MAGEC3: variants seen among roughly 807,000 people sequenced by gnomAD.
The protein encoded by MAGEC3 is melanoma-associated antigen C3.
Under a neutral mutation model 35.3 loss-of-function variants are expected in MAGEC3, and 34 were observed. The ratio of observed to expected loss-of-function variants is 0.96; its 90% CI spans 0.73 to 1.28. The LOEUF (loss-of-function observed/expected upper bound fraction) is 1.28, where lower values mean the gene tolerates loss of function less well. Ranked by LOEUF, MAGEC3 falls within the 50% of genes most tolerant of loss-of-function variation. MAGEC3 has a pLI of 0.00. For missense variants in MAGEC3, 561 were observed against 483.6 expected (o/e 1.16, Z -1.50); for synonymous variants, 202 against 185.6 (o/e 1.09, Z -0.72).
intron 1 of MAGEC3, among the ~76,000 whole-genome samples, chrX:141,860,907 A>T (rs1200870228): frequency 2.7e-5 from 3 of 111,762 alleles, no homozygotes; most frequent in African/African-American, 6.5e-5. Context: ...GAATGTACTT[A>T]GTGCCATGGA....
chrX:141,845,995 A>C (rs2017714045), intron 1 of MAGEC3, among the ~76,000 whole-genome samples: 1 of 110,924 alleles, frequency 9.0e-6, no homozygotes. Context: ...ACAGGGTCTA[A>C]CATCATATAT....
At chrX:141,893,759 A>C (rs1255778458) in intron 4 of MAGEC3, among the ~76,000 whole-genome samples, 2 of 106,304 alleles carry the variant, frequency 1.9e-5, no homozygotes, top group Admixed American at 1.0e-4. Context: ...ACTTTGATGA[A>C]GTTTTCTCTC....
intron 4 of MAGEC3, among the ~76,000 whole-genome samples, chrX:141,888,556 GCTCACCAATGGGTGAC>G (rs1169170054): frequency 8.9e-6 from 1 of 112,264 alleles, no homozygotes; most frequent in African/African-American, 3.2e-5. Flanking sequence ...CCATGTGAGT[GCTCACCAATGGGTGAC>G]CTCAGCAGAG....
intron 1 of MAGEC3, among the ~76,000 whole-genome samples, chrX:141,841,666 A>G (rs2017686502): frequency 8.9e-6 from 1 of 111,870 alleles, no homozygotes; most frequent in Non-Finnish European, 1.9e-5. Flanking sequence ...CATTCAAGTA[A>G]TATCTGTTTA....
intron 2 of MAGEC3, among the ~76,000 whole-genome samples, chrX:141,876,587 G>A (rs1303656921): frequency 4.5e-5 from 5 of 112,026 alleles, no homozygotes; most frequent in South Asian, 7.5e-4. Flanking sequence ...CTCATACTGC[G>A]AACTTGCTTA....
intron 4 of MAGEC3, among the ~76,000 whole-genome samples, chrX:141,885,990 A>G (rs985071313): frequency 1.8e-5 from 2 of 111,440 alleles, no homozygotes; most frequent in Non-Finnish European, 3.8e-5. Context: ...TAACAGTGGG[A>G]ATTGTAGTCA....
At chrX:141,878,807 T>A (rs1335815124) in intron 2 of MAGEC3, among the ~76,000 whole-genome samples, 3 of 111,529 alleles carry the variant, frequency 2.7e-5, no homozygotes, top group Non-Finnish European at 5.7e-5. Context: ...GGGCGTCTCA[T>A]GGAAATGGGG....
chrX:141,880,913 C>A, intron 3 of MAGEC3: 1 of 800,593 alleles, frequency 1.2e-6, no homozygotes, highest in Non-Finnish European at 1.9e-6. Flanking sequence ...CTCCCTCAGG[C>A]CTGTTGGATG....
chrX:141,863,443 A>T (rs1447067707), intron 1 of MAGEC3, among the ~76,000 whole-genome samples: 3 of 111,726 alleles, frequency 2.7e-5, no homozygotes, highest in Non-Finnish European at 3.8e-5. Context: ...TGTAAAACAA[A>T]GAATGAACCC....
At position 141,881,688 on chromosome X, in the gene MAGEC3, G is replaced by A; in HGVS notation, c.801G>A (p.Glu267=). 2 of 1,211,553 alleles carry A rather than the reference G, an allele frequency of 1.7e-6. No homozygotes were observed. Among genetic ancestry groups the A allele is most frequent in the Non-Finnish European group, 2.2e-6 (2 of 895,440 alleles). ...CCTGTGAGGGGAGTCTGAGTGATGAGCAGGGCATGCCCCAGAACCGCCTCC... is the reference window on the plus strand; with the variant it reads ...CCTGTGAGGGGAGTCTGAGTGATGAACAGGGCATGCCCCAGAACCGCCTCC... ...DLTCEGSLSD[E]QGMPQNRLLI... is the part of the protein sequence containing the mutation. Residue 267 remains glutamate (E), a synonymous_variant, in exon 4 of 8, where the codon GAG becomes GAA. Transcript: ENST00000298296.
intron 1 of MAGEC3, among the ~76,000 whole-genome samples, chrX:141,846,576 A>G (rs1603052491): frequency 9.0e-6 from 1 of 111,016 alleles, no homozygotes; most frequent in South Asian, 3.7e-4. Flanking sequence ...ACTCATTTTA[A>G]TTATTTATTG....
chrX:141,896,983 C>A lies in MAGEC3; in HGVS notation c.1225C>A (p.Gln409Lys). The A allele has an allele frequency of 6.6e-6, 8 of 1,204,796 alleles. No individual in the cohort carries two copies. The highest frequency in any genetic ancestry group is 9.0e-6 in the Non-Finnish European group (8 of 891,772). Residue 409 changes from glutamine (Q) to lysine (K), a missense_variant, in exon 7 of 8, where the codon CAG (glutamine) becomes AAG (lysine). Physicochemically the swap from Gln to Lys is moderately conservative, Grantham distance 53. Transcript: ENST00000298296. ...PPKISPQGPP[Q>K]SPPQSPLDSC... Reference sequence around the variant, plus strand: ...CAAGATCTCTCCCCAGGGTCCTCCGCAGAGTCCTCCCCAGAGTCCTCTAGA... The same window carrying A: ...CAAGATCTCTCCCCAGGGTCCTCCGAAGAGTCCTCCCCAGAGTCCTCTAGA...
Position 141,868,835 on chromosome X carries a change from AT to A in MAGEC3, c.258+3238del, listed in dbSNP as rs1240349127. On this transcript the variant is annotated intron_variant, in intron 2 of 7. Coordinates refer to ENST00000298296, the MANE Select transcript of MAGEC3 (RefSeq NM_138702.1). ...TTTTATTGGCTATATAAGTTCTTTG[AT>A]TTTTTTTAAAATTTTTATTTTATTT... is the stretch of plus-strand genomic sequence containing the variant. Among the ~76,000 whole-genome samples the A allele has an allele frequency of 3.4e-3, 366 of 107,728 alleles. 1 individual carries two copies. Among genetic ancestry groups the A allele is most frequent in the African/African-American group, 0.012 (350 of 29,674 alleles). The allele number at this position is 107,728 out of a possible 115,157, so 93.5% of individuals were successfully genotyped here.
At position 141,879,202 on chromosome X, in the gene MAGEC3, G is replaced by A; in HGVS notation, c.286G>A (p.Gly96Ser). The A allele has an allele frequency of 1.7e-6, 2 of 1,198,967 alleles. No homozygotes were observed. The highest frequency in any genetic ancestry group is 2.3e-6 in the Non-Finnish European group (2 of 888,858). ...KLWRTLSGSP[G>S]LQLSDLHFGS... is the part of the protein sequence containing the mutation. ...CTGGAGGACCCTATCAGGGTCCCCA[G>A]GTTTACAACTTTCTGACTTGCATTT... Residue 96 changes from glycine to serine, a missense_variant, in exon 3 of 8, where the codon GGT becomes AGT. Coordinates refer to ENST00000298296, the MANE Select transcript of MAGEC3 (RefSeq NM_138702.1).
rs1024932012 is a variant in MAGEC3 at position 141,842,854 on chromosome X, A to G, written c.123+4416A>G. 2.7e-5 allele frequency among the ~76,000 whole-genome samples: 3 copies of G among 111,162 alleles called. No homozygotes were observed. In the East Asian group the frequency reaches 8.6e-4, roughly 32 times the overall value. On this transcript the variant is annotated intron_variant, in intron 1 of 7. Coordinates refer to ENST00000298296, the MANE Select transcript of MAGEC3 (RefSeq NM_138702.1). Reference sequence around the variant, plus strand: ...GCTATATAACATTGTTAGCTCCTACATTGTTAGTTCTACATTTATTAGACT... The same window carrying G: ...GCTATATAACATTGTTAGCTCCTACGTTGTTAGTTCTACATTTATTAGACT...
At chrX:141,882,467 G>A (rs1036735424) in intron 4 of MAGEC3, among the ~76,000 whole-genome samples, 12 of 111,590 alleles carry the variant, frequency 1.1e-4, no homozygotes, top group Non-Finnish European at 2.1e-4. Flanking sequence ...ATCTATAACA[G>A]GATAACATGG....
rs1569476312 is a variant in MAGEC3, at chrX:141,897,311, C to A, written c.1553C>A (p.Pro518His). 3 of 1,211,610 alleles carry A rather than the reference C, an allele frequency of 2.5e-6. No homozygotes were observed. The highest frequency in any genetic ancestry group is 3.4e-6 in the Non-Finnish European group (3 of 895,420). Reference protein sequence around the residue: ...IFGIALTDMDPDNHSYFFEDT... With the variant: ...IFGIALTDMDHDNHSYFFEDT... ...GGCATTGCCCTGACTGATATGGACCCCGACAACCACTCCTATTTCTTTGAA... is the reference window on the plus strand; with the variant it reads ...GGCATTGCCCTGACTGATATGGACCACGACAACCACTCCTATTTCTTTGAA... Residue 518 changes from proline to histidine, a missense_variant, in exon 7 of 8, where the codon CCC becomes CAC. Transcript: ENST00000298296.
At chrX:141,889,217 GC>G (rs1033208749) in intron 4 of MAGEC3, among the ~76,000 whole-genome samples, 1 of 111,814 alleles carries the variant, frequency 8.9e-6, no homozygotes, top group African/African-American at 3.3e-5. Context: ...ACTTTGCAGG[GC>G]TGGGACAAAG....
In MAGEC3 at chrX:141,893,986, G is replaced by A. The variant is rs142360052; in HGVS notation, c.910-1283G>A. On this transcript the variant is annotated intron_variant, in intron 4 of 7. Coordinates refer to ENST00000298296, the MANE Select transcript of MAGEC3 (RefSeq NM_138702.1). ...AAAATCTAAAATACTAAATGGAAGAGGGGATATGCAACAAGAGGAATTCTC... is the reference window on the plus strand; with the variant it reads ...AAAATCTAAAATACTAAATGGAAGAAGGGATATGCAACAAGAGGAATTCTC... Among the ~76,000 whole-genome samples, 12 of 112,075 alleles carry A rather than the reference G, an allele frequency of 1.1e-4. No homozygotes were observed. The East Asian group carries it at 3.4e-3, about 32-fold the overall frequency.
Sources: allele counts gnomAD v4.1 joint callset (sites outside exome capture counted in the v4.1 genomes callset), GRCh38; gene constraint gnomAD v4.1.1; transcripts MANE v1.5; gene names NCBI Gene and HGNC (gene_info 2026-07-23, HGNC 2026-07-21).